BICD2: variants seen among roughly 807,000 people sequenced by gnomAD.
BICD2 encodes BICD cargo adaptor 2.
A neutral mutation model predicts 72.9 loss-of-function variants in BICD2; 25 were observed. The ratio of observed to expected loss-of-function variants is 0.34; its 90% confidence interval spans 0.25 to 0.48. The LOEUF (loss-of-function observed/expected upper bound fraction) is 0.48, where lower values mean the gene tolerates loss of function less well. Among genes scored for constraint, BICD2 ranks in the 20% least tolerant of loss-of-function variants. The pLI is 0.99. For synonymous variants in BICD2, 501 were observed against 516.1 expected (o/e 0.97, Z 0.40); for missense variants, 894 against 1,175.2 (o/e 0.76, Z 3.50).
chr9:92,764,645 C>G lies in BICD2; in HGVS notation c.100G>C (p.Ala34Pro). 1 of 1,593,466 alleles carries G rather than the reference C, an allele frequency of 6.3e-7. No individual in the cohort carries two copies. The highest frequency in any genetic ancestry group is 8.5e-7 in the Non-Finnish European group (1 of 1,171,908). Residue 34 changes from alanine (A) to proline (P), a missense_variant, in exon 1 of 7, where the codon GCC (alanine) becomes CCC (proline). Ala to Pro is a conservative substitution (Grantham distance 27). This residue lies in a region of BICD2 where 192 missense variants were observed against 243.6 expected (regional missense o/e 0.79). Transcript: ENST00000356884. This position sits in a 1 kb window ranked among gnomAD's most constrained non-coding sequence, Gnocchi z 5.5. ...TGGATCTTCTCACGCGTGGTCTCGGCCAGCTCGTGGGACAGCCGCTTCACC... is the reference window on the plus strand; with the variant it reads ...TGGATCTTCTCACGCGTGGTCTCGGGCAGCTCGTGGGACAGCCGCTTCACC... The part of the protein sequence containing the change: ...AEVKRLSHEL[A>P]ETTREKIQAA...
intron 3 of BICD2, among the ~76,000 whole-genome samples, chr9:92,722,290 A>C (rs564389034): frequency 8.1e-4 from 123 of 152,340 alleles, no homozygotes; most frequent in Non-Finnish European, 7.6e-4. Flanking sequence ...TGTCCCTGTC[A>C]CAGGCAGAGA....
At chr9:92,752,314 C>T (rs1286659415) in intron 1 of BICD2, among the ~76,000 whole-genome samples, 1 of 148,448 alleles carries the variant, frequency 6.7e-6, no homozygotes, top group Non-Finnish European at 1.5e-5. Context: ...CTTGTAGTGC[C>T]AGAAAGGAAG....
In BICD2 at chr9:92,719,070, A is replaced by T. The variant is rs1244971632; in HGVS notation, c.1575T>A (p.Asp525Glu). 2 of 1,611,252 alleles carry T rather than the reference A, an allele frequency of 1.2e-6. No individual in the cohort carries two copies. Among genetic ancestry groups the T allele is most frequent in the South Asian group, 2.2e-5 (2 of 91,044 alleles). The change falls in exon 5 of 7, where the codon GAT becomes GAA. Residue 525 changes from aspartate to glutamate, a missense_variant. Around this residue, in one of 5 missense-constraint regions of BICD2, gnomAD observed 371 missense variants for 439.1 expected, o/e 0.84. Transcript: ENST00000356884. ...GCTCCTCACTGAAGGTCACCAGCTC[A>T]TCCTGGGCCACACTCAGGCTGCCCT... is the stretch of plus-strand genomic sequence containing the variant. Reference protein sequence around the residue: ...ETQGSLSVAQDELVTFSEELA... With the variant: ...ETQGSLSVAQEELVTFSEELA...
At position 92,729,158 on chromosome 9, in the gene BICD2, A is replaced by C. The variant is rs1297507246; in HGVS notation, c.319T>G (p.Ser107Ala). 6.2e-7 allele frequency: 1 copy of C among 1,613,486 alleles called. No individual in the cohort carries two copies. Among genetic ancestry groups the C allele is most frequent in the Admixed American group, 1.7e-5 (1 of 59,986 alleles). Residue 107 changes from serine to alanine, a missense_variant, in exon 2 of 7, where the codon TCG becomes GCG. Physicochemically the swap from Ser to Ala is moderately conservative, Grantham distance 99. This residue lies in a region of BICD2 where 192 missense variants were observed against 243.6 expected (regional missense o/e 0.79). Transcript: ENST00000356884. Reference protein sequence around the residue: ...ESREESLIQESASKEQYYVRK... With the variant: ...ESREESLIQEAASKEQYYVRK... ...ACGTAGTACTGCTCCTTGGAGGCCG[A>C]CTCCTGGATCAGGCTCTCCTCCCGG...
Position 92,719,409 on chromosome 9 carries a change from G to A in BICD2, c.1236C>T (p.Asn412=), listed in dbSNP as rs761796557. 47 of 1,614,032 alleles carry A rather than the reference G, an allele frequency of 2.9e-5. No individual in the cohort carries two copies. Among genetic ancestry groups the A allele is most frequent in the Middle Eastern group, 3.3e-4 (2 of 6,084 alleles). Residue 412 remains asparagine, a synonymous_variant, in exon 5 of 7, where the codon AAC becomes AAT. Transcript: ENST00000356884. The part of the protein sequence containing the change: ...ASKERQTALD[N]EKDRDSHEDG... ...CCTCATGGCTGTCACGGTCCTTCTC[G>A]TTGTCCAGGGCTGTCTGCCGCTCCT...
chr9:92,722,987 A>G (rs1340351582), intron 2 of BICD2, among the ~76,000 whole-genome samples, 179 bp from the exon 3 acceptor site: 1 of 152,194 alleles, frequency 6.6e-6, no homozygotes, highest in Non-Finnish European at 1.5e-5. Flanking sequence ...CAGAGTGCAC[A>G]GCGGACTGCA....
chr9:92,719,824 C>A (rs948415623), intron 4 of BICD2, among the ~76,000 whole-genome samples: 1 of 152,248 alleles, frequency 6.6e-6, no homozygotes, highest in Non-Finnish European at 1.5e-5. Context: ...TCAACGCAGG[C>A]TCTTTCCCCA....
In BICD2 at chr9:92,715,382, C is replaced by T. The variant is rs754249319; in HGVS notation, c.2340G>A (p.Ser780=). ...TCTGCTGGATGGCCATGCGCAGCAG[C>T]GAGTTCAGCGTCTTCTTCTCGTCCT... ...AAEDEKKTLN[S]LLRMAIQQKL... The change falls in exon 7 of 7, where the codon TCG becomes TCA. Residue 780 remains serine (S), a synonymous_variant. Transcript: ENST00000356884. 1.4e-5 allele frequency: 23 copies of T among 1,611,730 alleles called. No homozygotes were observed. Among genetic ancestry groups the T allele is most frequent in the African/African-American group, 2.7e-5 (2 of 74,930 alleles).
At chr9:92,732,852 T>A (rs10992439) in intron 1 of BICD2, among the ~76,000 whole-genome samples, 103,035 of 152,194 alleles carry the variant, frequency 0.68, 36,541 homozygotes, top group African/African-American at 0.89. Context: ...ATGGAAATCT[T>A]TATCTACATG....
chr9:92,720,108 C>T lies in BICD2; in HGVS notation c.1062+192G>A, dbSNP rs1476808338. ...GGGGAGCAATGTGGGTGCTGCAGTG[C>T]CAGGAAACCACTTCTCTGAGACTCC... On this transcript the variant is annotated intron_variant, in intron 4 of 6. Transcript: ENST00000356884. The surrounding 1 kb of genome is among the most constrained non-coding windows in gnomAD (Gnocchi z 5.4). Among the ~76,000 whole-genome samples, 1 of 152,210 alleles carries T rather than the reference C, an allele frequency of 6.6e-6. No individual in the cohort carries two copies. Among genetic ancestry groups the T allele is most frequent in the Non-Finnish European group, 1.5e-5 (1 of 68,040 alleles).
intron 6 of BICD2, among the ~76,000 whole-genome samples, 155 bp downstream of exon 6, chr9:92,717,642 C>T (rs766532681): frequency 2.2e-4 from 34 of 152,362 alleles, no homozygotes; most frequent in Admixed American, 6.5e-4. Context: ...TCCCCAACCT[C>T]GTACCATGCT....
chr9:92,712,121 CAG>C lies in BICD2; in HGVS notation c.*3031_*3032del. On this transcript the variant is annotated 3_prime_UTR_variant, in exon 7 of 7. Coordinates refer to ENST00000356884, the MANE Select transcript of BICD2 (RefSeq NM_001003800.2). ...ACAGCGTCGGCCCTCCTGATACCCT[CAG>C]CTCTTCACAAACGTGGCGTTCATAC... The C allele has an allele frequency of 6.6e-6, 1 of 152,650 alleles. No individual in the cohort carries two copies. The highest frequency in any genetic ancestry group is 1.9e-4 in the East Asian group (1 of 5,198). The allele number at this position is 152,650 out of a possible 1,614,324, so 9.5% of individuals were successfully genotyped here.
intron 1 of BICD2, among the ~76,000 whole-genome samples, chr9:92,740,171 AC>A (rs1223530175): frequency 6.6e-6 from 1 of 152,202 alleles, no homozygotes; most frequent in Non-Finnish European, 1.5e-5. Flanking sequence ...ACTGGCAGAG[AC>A]ATGAAGTCTC....
chr9:92,754,714 C>G (rs1477148164), intron 1 of BICD2, among the ~76,000 whole-genome samples: 1 of 152,230 alleles, frequency 6.6e-6, no homozygotes, highest in Non-Finnish European at 1.5e-5. Context: ...CCTGTCTTTA[C>G]TGCAATCTCT....
intron 1 of BICD2, among the ~76,000 whole-genome samples, chr9:92,755,645 C>T (rs531086483): frequency 1.3e-5 from 2 of 152,260 alleles, no homozygotes; most frequent in African/African-American, 4.8e-5. Context: ...GCATGTTCCC[C>T]GATAATTATC....
chr9:92,742,587 T>C (rs1564068970), intron 1 of BICD2, among the ~76,000 whole-genome samples: 1 of 152,088 alleles, frequency 6.6e-6, no homozygotes, highest in African/African-American at 2.4e-5. Context: ...GGTTTCACCA[T>C]GTTGGCCAGG....
intron 1 of BICD2, among the ~76,000 whole-genome samples, chr9:92,731,494 G>GA (rs1287266531): frequency 6.6e-6 from 1 of 151,152 alleles, no homozygotes; most frequent in Non-Finnish European, 1.5e-5. Flanking sequence ...AAAAGAAAAA[G>GA]AAAAAAACCA....
chr9:92,762,234 T>G (rs547408156), intron 1 of BICD2, among the ~76,000 whole-genome samples: 9 of 149,928 alleles, frequency 6.0e-5, no homozygotes, highest in Middle Eastern at 3.4e-3. Context: ...AATCTTGTGG[T>G]TTTTTTTAAA....
chr9:92,717,388 C>T (rs1353935697), intron 6 of BICD2, among the ~76,000 whole-genome samples: 3 of 152,236 alleles, frequency 2.0e-5, no homozygotes, highest in Non-Finnish European at 4.4e-5. Context: ...CAGAACCAGG[C>T]TCCTGGGGGC....
Sources: gnomAD v4.1 joint callset for allele counts (sites outside exome capture counted in the v4.1 genomes callset) on GRCh38, gnomAD v4.1.1 for gene constraint, gnomAD v4.1.1 regional missense constraint, Gnocchi (gnomAD v3.1) non-coding constraint, MANE v1.5 for transcripts, NCBI Gene and HGNC (gene_info 2026-07-23, HGNC 2026-07-21) for gene names.